Variants in NUP160 observed in about 807,000 individuals in gnomAD.
NUP160 encodes nuclear pore complex protein Nup160.
A neutral mutation model predicts 196.9 loss-of-function variants in NUP160; 94 were observed. The observed-to-expected ratio is 0.48, with a 90% CI of 0.40 to 0.57. The LOEUF (loss-of-function observed/expected upper bound fraction) is 0.57. Among genes scored for constraint, NUP160 ranks in the 20% least tolerant of loss-of-function variants. NUP160 has a pLI of 0.00. For missense variants in NUP160, 1,638 were observed against 1,748.3 expected (o/e 0.94, Z 1.13); for synonymous variants, 605 against 619.7 (o/e 0.98, Z 0.35).
intron 23 of NUP160, among the ~76,000 whole-genome samples, chr11:47,798,863 G>A (rs944217943): frequency 1.3e-5 from 2 of 148,666 alleles, no homozygotes; most frequent in Non-Finnish European, 3.0e-5. Flanking sequence ...TAGTCTCTCC[G>A]TAAATACTTG....
chr11:47,806,502 G>T, intron 19 of NUP160, 190 bp from the exon 20 acceptor site: 1 of 517,362 alleles, frequency 1.9e-6, no homozygotes, highest in South Asian at 2.9e-5. Flanking sequence ...CTATAAAAAT[G>T]CAATAAAAAC....
intron 7 of NUP160, chr11:47,826,932 C>T: frequency 2.4e-6 from 1 of 419,878 alleles, no homozygotes; most frequent in Non-Finnish European, 4.7e-6. Flanking sequence ...ATCAATGATG[C>T]AAAATCAGTG....
chr11:47,844,067 T>A (rs1227608832), intron 2 of NUP160, among the ~76,000 whole-genome samples: 1 of 152,236 alleles, frequency 6.6e-6, no homozygotes, highest in African/African-American at 2.4e-5. Context: ...AGGGCTCACC[T>A]GTGACTCTTT....
chr11:47,797,628 C>T (rs895836670), intron 27 of NUP160, 151 bp downstream of exon 27: 1 of 608,390 alleles, frequency 1.6e-6, no homozygotes, highest in Admixed American at 2.9e-5. Context: ...GAAGCAAGGG[C>T]CTATCTTCAA....
intron 35 of NUP160, among the ~76,000 whole-genome samples, chr11:47,779,989 C>CA (rs1462810227): frequency 6.6e-6 from 1 of 152,164 alleles, no homozygotes; most frequent in African/African-American, 2.4e-5. Flanking sequence ...CTCAGCCTTC[C>CA]AAAGTGCTGG....
intron 2 of NUP160, among the ~76,000 whole-genome samples, chr11:47,845,261 C>T (rs1852378632): frequency 6.6e-6 from 1 of 152,198 alleles, no homozygotes; most frequent in Non-Finnish European, 1.5e-5. Flanking sequence ...CTGCCTCAGC[C>T]TCCCAAGTAG....
chr11:47,808,336 A>G, intron 18 of NUP160, 60 bp downstream of exon 18: 1 of 1,496,532 alleles, frequency 6.7e-7, no homozygotes, highest in South Asian at 1.2e-5. Flanking sequence ...CTTTAAGACA[A>G]GGGGAAAAAT....
chr11:47,785,098 A>ATTATTTTTTTTTTTTTTTTTTTTTT, intron 32 of NUP160, 35 bp from the exon 33 acceptor site: 2 of 1,137,366 alleles, frequency 1.8e-6, no homozygotes, highest in Non-Finnish European at 2.5e-6. Context: ...TGAGTTTCAG[A>ATTATTTTTTTTTTTTTTTTTTTTTT]TTCTTAATAG....
intron 2 of NUP160, among the ~76,000 whole-genome samples, chr11:47,845,819 C>A (rs370946652): frequency 1.3e-5 from 2 of 151,810 alleles, no homozygotes; most frequent in African/African-American, 2.4e-5. Context: ...GAAAGGCACA[C>A]GCTACTCCGC....
chr11:47,815,421 G>C, intron 13 of NUP160, 58 bp downstream of exon 13: 1 of 1,369,978 alleles, frequency 7.3e-7, no homozygotes, highest in Non-Finnish European at 9.7e-7. Flanking sequence ...AAGGCATTTT[G>C]TTATAACAGC....
intron 4 of NUP160, among the ~76,000 whole-genome samples, 156 bp from the exon 5 acceptor site, chr11:47,837,779 C>T (rs1327163110): frequency 2.6e-5 from 4 of 152,198 alleles, no homozygotes; most frequent in African/African-American, 4.8e-5. Context: ...TATATCACAC[C>T]TAAAATATTT....
intron 27 of NUP160, among the ~76,000 whole-genome samples, chr11:47,794,765 T>C (rs928416826): frequency 2.6e-5 from 4 of 151,670 alleles, no homozygotes; most frequent in Admixed American, 1.3e-4. Flanking sequence ...CAAAAAAAAT[T>C]GTCGAGCGTG....
chr11:47,816,109 G>A, intron 11 of NUP160, 80 bp from the exon 12 acceptor site: 2 of 964,676 alleles, frequency 2.1e-6, no homozygotes, highest in Non-Finnish European at 1.6e-6. Context: ...AGACATAGAG[G>A]CAATATAAAA....
chr11:47,831,488 A>G (rs1470896678), intron 7 of NUP160, among the ~76,000 whole-genome samples: 1 of 152,192 alleles, frequency 6.6e-6, no homozygotes, highest in Non-Finnish European at 1.5e-5. Context: ...AAAATTATTC[A>G]GCTATAAAAG....
chr11:47,806,852 C>CACACACATATAT (rs1428564239), intron 19 of NUP160, among the ~76,000 whole-genome samples: 1 of 124,252 alleles, frequency 8.0e-6, no homozygotes, highest in African/African-American at 3.2e-5. Flanking sequence ...CACACACACA[C>CACACACATATAT]ATATATATAC....
chr11:47,824,815 T>C (rs1001340170), intron 7 of NUP160, among the ~76,000 whole-genome samples: 2 of 63,508 alleles, frequency 3.1e-5, no homozygotes, highest in Non-Finnish European at 1.0e-4. Flanking sequence ...TTTTCTTTTG[T>C]TTTTTTTTTT....
chr11:47,816,976 GT>G (rs371077064), intron 11 of NUP160, among the ~76,000 whole-genome samples: 307 of 136,530 alleles, frequency 2.2e-3, no homozygotes, highest in South Asian at 0.013. Context: ...AATCCTTTCA[GT>G]TTTTTTTTTT....
intron 1 of NUP160, 51 bp from the exon 2 acceptor site, chr11:47,848,010 G>A (rs754216804): frequency 1.4e-6 from 2 of 1,439,476 alleles, no homozygotes; most frequent in Non-Finnish European, 2.0e-6. Flanking sequence ...AGAAATGACA[G>A]GGACTAAGGG....
At chr11:47,808,408 G>C (rs776752495) in exon 18 of NUP160, 1 of 1,612,280 alleles carries the variant, frequency 6.2e-7, no homozygotes, top group Non-Finnish European at 8.5e-7. Flanking sequence ...TGTGTCAAGT[G>C]GAACATCAGT....
Sources: allele counts gnomAD v4.1 joint callset (sites outside exome capture counted in the v4.1 genomes callset), GRCh38; gene constraint gnomAD v4.1.1; transcripts MANE v1.5; gene names NCBI Gene and HGNC (gene_info 2026-07-23, HGNC 2026-07-21).